GABRB1: variants seen among roughly 807,000 people sequenced by gnomAD.
GABRB1 encodes gamma-aminobutyric acid receptor subunit beta-1.
GABRB1 carries 17 observed loss-of-function variants against 51.6 expected under a neutral mutation model. The ratio of observed to expected loss-of-function variants is 0.33; its 90% CI spans 0.23 to 0.49. GABRB1 has a LOEUF of 0.49. GABRB1 is among the 20% of genes least tolerant of loss of function. GABRB1 has a pLI of 0.99. For synonymous variants in GABRB1, 247 were observed against 218.9 expected (o/e 1.13, Z -1.14); for missense variants, 410 against 600.6 (o/e 0.68, Z 3.32).
At chr4:47,135,362 T>C (rs1716596664) in intron 3 of GABRB1, among the ~76,000 whole-genome samples, 1 of 152,046 alleles carries the variant, frequency 6.6e-6, no homozygotes, top group Non-Finnish European at 1.5e-5. Context: ...GAGTCATCCT[T>C]CATGCAGATG....
intron 1 of GABRB1, among the ~76,000 whole-genome samples, chr4:47,006,186 T>A (rs555031377): frequency 6.6e-6 from 1 of 152,258 alleles, no homozygotes; most frequent in Admixed American, 6.5e-5. Flanking sequence ...TATTGAATTA[T>A]GACCACAGAT....
At chr4:47,191,573 G>C (rs549572739) in intron 4 of GABRB1, among the ~76,000 whole-genome samples, 100 of 152,124 alleles carry the variant, frequency 6.6e-4, no homozygotes, top group Non-Finnish European at 1.2e-3. Context: ...GAAAATGTCT[G>C]TGGGTTTGTT....
chr4:47,096,976 T>C (rs1714470920), intron 3 of GABRB1, among the ~76,000 whole-genome samples: 1 of 152,164 alleles, frequency 6.6e-6, no homozygotes, highest in Non-Finnish European at 1.5e-5. Context: ...AGCCACTAAG[T>C]GTGTGGTGGT....
chr4:47,015,105 A>C (rs1724706282), intron 1 of GABRB1, among the ~76,000 whole-genome samples: 1 of 152,060 alleles, frequency 6.6e-6, no homozygotes, highest in African/African-American at 2.4e-5. Flanking sequence ...ACAGGGTTTC[A>C]CCATGTTGGC....
At chr4:47,067,762 C>T (rs999940651) in intron 3 of GABRB1, among the ~76,000 whole-genome samples, 2 of 151,752 alleles carry the variant, frequency 1.3e-5, no homozygotes, top group Non-Finnish European at 2.9e-5. Context: ...TTCTGGGGTA[C>T]ATGTGCAGGA....
chr4:47,207,489 C>T (rs928460933), intron 4 of GABRB1, among the ~76,000 whole-genome samples: 1 of 152,010 alleles, frequency 6.6e-6, no homozygotes, highest in Admixed American at 6.6e-5. Flanking sequence ...ACGTATTATA[C>T]AATGAGATTT....
intron 3 of GABRB1, among the ~76,000 whole-genome samples, chr4:47,100,098 G>C (rs1446712606): frequency 6.6e-6 from 1 of 151,926 alleles, no homozygotes; most frequent in Non-Finnish European, 1.5e-5. Flanking sequence ...TGTTTAAAAA[G>C]AATGCTATTT....
chr4:47,038,516 T>C (rs535542937), intron 3 of GABRB1, among the ~76,000 whole-genome samples: 66 of 152,192 alleles, frequency 4.3e-4, no homozygotes, highest in Non-Finnish European at 8.2e-4. Flanking sequence ...TTTTTAACAC[T>C]TGTTGTGAAA....
chr4:47,302,700 T>G (rs989359746), intron 4 of GABRB1, among the ~76,000 whole-genome samples: 4 of 152,026 alleles, frequency 2.6e-5, no homozygotes, highest in Admixed American at 2.0e-4. Context: ...TGATCTCTAC[T>G]AAAATGTAGC....
chr4:47,411,555 A>T (rs1322664938), intron 8 of GABRB1, among the ~76,000 whole-genome samples: 1 of 152,220 alleles, frequency 6.6e-6, no homozygotes, highest in Admixed American at 6.5e-5. Context: ...GAGGGAGATC[A>T]TTGCAGTAAT....
intron 1 of GABRB1, among the ~76,000 whole-genome samples, chr4:46,995,568 T>A (rs12512719): frequency 0.057 from 8,689 of 152,208 alleles, 340 homozygotes; most frequent in South Asian, 0.17. Flanking sequence ...CTCTGCGATG[T>A]CACCAGGCTA....
At chr4:47,283,332 G>A (rs1206320983) in intron 4 of GABRB1, among the ~76,000 whole-genome samples, 3 of 130,912 alleles carry the variant, frequency 2.3e-5, no homozygotes, top group Non-Finnish European at 4.7e-5. Flanking sequence ...TACCTTCTAG[G>A]CAATGTTCCA....
Position 47,403,550 on chromosome 4 carries a change from T to A in GABRB1, c.683-9T>A. The stretch of plus-strand genomic sequence containing the variant: ...GGTCTGATTACTTGTCTTTTGTTTC[T>A]CAACTCAGGAGCGTATCCACGACTG... On this transcript the variant is annotated splice_polypyrimidine_tract_variant and intron_variant, in intron 6 of 8. Coordinates refer to ENST00000295454, the MANE Select transcript of GABRB1 (RefSeq NM_000812.4). The A allele has an allele frequency of 6.2e-7, 1 of 1,613,822 alleles. No individual in the cohort carries two copies. Among genetic ancestry groups the A allele is most frequent in the Non-Finnish European group, 8.5e-7 (1 of 1,179,842 alleles).
intron 4 of GABRB1, among the ~76,000 whole-genome samples, chr4:47,244,845 G>A (rs1277664935): frequency 6.6e-6 from 1 of 152,202 alleles, no homozygotes; most frequent in African/African-American, 2.4e-5. Context: ...ATTTAAAGCA[G>A]TGTGTACAGG....
intron 3 of GABRB1, among the ~76,000 whole-genome samples, chr4:47,060,263 G>C (rs62305286): frequency 0.51 from 77,104 of 152,000 alleles, 19,720 homozygotes; most frequent in African/African-American, 0.53. Context: ...CAGAAAGTAA[G>C]GGAACTGGAA....
chr4:47,061,270 A>G (rs1474092444), intron 3 of GABRB1, among the ~76,000 whole-genome samples: 1 of 152,140 alleles, frequency 6.6e-6, no homozygotes, highest in East Asian at 1.9e-4. Flanking sequence ...ACAAAGGTGA[A>G]CTACAGCTAT....
intron 4 of GABRB1, among the ~76,000 whole-genome samples, chr4:47,288,824 A>G (rs1723614439): frequency 6.6e-6 from 1 of 152,250 alleles, no homozygotes; most frequent in African/African-American, 2.4e-5. Context: ...AACTTGCCCA[A>G]CGTCAACAGC....
intron 4 of GABRB1, among the ~76,000 whole-genome samples, chr4:47,197,026 TG>T (rs1211904818): frequency 6.6e-6 from 1 of 152,206 alleles, no homozygotes; most frequent in Non-Finnish European, 1.5e-5. Context: ...TAACTTGTGT[TG>T]GGTAGTAAAT....
chr4:47,008,895 G>A (rs538119530), intron 1 of GABRB1, among the ~76,000 whole-genome samples: 511 of 38,608 alleles, frequency 0.013, 5 homozygotes, highest in Middle Eastern at 0.077. Flanking sequence ...GACGAGTCTC[G>A]CTCTGTTTCC....
Sources: allele counts gnomAD v4.1 joint callset (sites outside exome capture counted in the v4.1 genomes callset), GRCh38; gene constraint gnomAD v4.1.1; transcripts MANE v1.5; gene names NCBI Gene and HGNC (gene_info 2026-07-23, HGNC 2026-07-21).